ABCA2: variants seen among roughly 807,000 people sequenced by gnomAD.
The protein encoded by ABCA2 is ATP-binding cassette sub-family A member 2.
ABCA2 carries 84 observed loss-of-function variants against 262.8 expected under a neutral mutation model. The observed-to-expected ratio is 0.32, with a 90% CI of 0.27 to 0.38. The LOEUF (loss-of-function observed/expected upper bound fraction) is 0.38, where lower values mean the gene tolerates loss of function less well. Among genes scored for constraint, ABCA2 ranks in the 10% least tolerant of loss-of-function variants. The pLI, the probability that ABCA2 is intolerant of heterozygous loss-of-function variation, is 1.00. For missense variants in ABCA2, 2,662 were observed against 3,405.9 expected, an observed-to-expected ratio of 0.78 and a Z score of 5.44; for synonymous variants, 1,696 against 1,502.9, an observed-to-expected ratio of 1.13 and a Z score of -2.97.
In ABCA2 at chr9:137,010,041, C is replaced by A; in HGVS notation, c.6437G>T (p.Arg2146Leu). The stretch of plus-strand genomic sequence containing the variant: ...CCGCGTGTACAGCTGCAGGTGCTCC[C>A]GGGCCGTGAGCTCGTCGAACAGCGC... ...CDALFDELTA[R>L]EHLQLYTRLR... The change falls in exon 42 of 49, where the codon CGG becomes CTG. Residue 2146 changes from arginine (R) to leucine (L), a missense_variant. This residue lies in a region of ABCA2 where 602 missense variants were observed against 897.4 expected (regional missense o/e 0.67). Transcript: ENST00000341511. The A allele has an allele frequency of 1.9e-6, 3 of 1,600,922 alleles. No homozygotes were observed. The highest frequency in any genetic ancestry group is 2.6e-6 in the Non-Finnish European group (3 of 1,176,018).
chr9:137,015,141 G>A (rs370281899), intron 24 of ABCA2, 44 bp from the exon 25 acceptor site: 1 of 1,532,568 alleles, frequency 6.5e-7, no homozygotes, highest in African/African-American at 1.4e-5. Flanking sequence ...TCAGGGGCTG[G>A]GAGGAGGGAC....
At chr9:137,020,170 A>T (rs1831401366) in intron 10 of ABCA2, 166 bp downstream of exon 10, 2 of 893,254 alleles carry the variant, frequency 2.2e-6, no homozygotes, top group African/African-American at 3.4e-5. Flanking sequence ...CGAAAGGAAA[A>T]GCGACCCCCT....
At chr9:137,025,856 C>T (rs746082985) in intron 1 of ABCA2, among the ~76,000 whole-genome samples, 7 of 152,224 alleles carry the variant, frequency 4.6e-5, no homozygotes, top group Non-Finnish European at 1.0e-4. Context: ...GGCTGGCAGG[C>T]GGCGGGCGCC....
In ABCA2 at chr9:137,010,646, T is replaced by G; in HGVS notation, c.6148A>C (p.Met2050Leu). ...RVLRGDADND[M>L]VKIENLTKVY... ...TTGGTCAGGTTCTCAATCTTGACCA[T>G]GTCATTGTCGGCGTCTCCCCGGAGC... Residue 2050 changes from methionine (M) to leucine (L), a missense_variant, in exon 40 of 49, where the codon ATG becomes CTG. Physicochemically the swap from Met to Leu is conservative, Grantham distance 15 (BLOSUM62 2). Transcript: ENST00000341511. The G allele has an allele frequency of 7.0e-7, 1 of 1,438,580 alleles. No individual in the cohort carries two copies. Among genetic ancestry groups the G allele is most frequent in the Non-Finnish European group, 9.3e-7 (1 of 1,070,700 alleles). 89.1% of individuals were successfully genotyped at this position (1,438,580 alleles called of 1,614,324 possible).
chr9:137,014,927 C>CTT lies in ABCA2; in HGVS notation c.3867_3868insAA (p.Glu1290LysfsTer22). 6.4e-7 allele frequency: 1 copy of CTT among 1,567,344 alleles called. No homozygotes were observed. The highest frequency in any genetic ancestry group is 8.7e-7 in the Non-Finnish European group (1 of 1,153,462). On this transcript the variant is annotated frameshift_variant, in exon 25 of 49. Coordinates refer to ENST00000341511, the MANE Select transcript of ABCA2 (RefSeq NM_001606.5). LOFTEE classifies it high-confidence loss of function. The stretch of plus-strand genomic sequence containing the variant: ...CGCCCTCACACCTGGAAGAGGCGCT[C>CTT]GAAAGCCCCCTTCTTGGCGGCCTCG...
Position 137,008,154 on chromosome 9 carries a change from A to C in ABCA2, c.7276-190T>G, listed in dbSNP as rs1015589762. 2.2e-5 allele frequency: 18 copies of C among 832,130 alleles called. No homozygotes were observed. In the Admixed American group the frequency reaches 3.1e-4, roughly 14 times the overall value. 51.5% of individuals were successfully genotyped at this position (832,130 alleles called of 1,614,324 possible). On this transcript the variant is annotated intron_variant, in intron 48 of 48. Transcript: ENST00000341511. Reference sequence around the variant, plus strand: ...CGAGTCTGGGGGCCACTGAGTCTACATCGGTCCCCTGTTCCCCGGCTCTGG... The same window carrying C: ...CGAGTCTGGGGGCCACTGAGTCTACCTCGGTCCCCTGTTCCCCGGCTCTGG...
In ABCA2 at chr9:137,019,741, G is replaced by C. The variant is rs557952594; in HGVS notation, c.1426-435C>G. ...CGGGCTCTCCACTCCTTTCTGCGGCGCTCAGGTGAAACCTGCTTTGCCCTC... is the reference window on the plus strand; with the variant it reads ...CGGGCTCTCCACTCCTTTCTGCGGCCCTCAGGTGAAACCTGCTTTGCCCTC... On this transcript the variant is annotated intron_variant, in intron 10 of 48. Coordinates refer to ENST00000341511, the MANE Select transcript of ABCA2 (RefSeq NM_001606.5). This position sits in a 1 kb window ranked among gnomAD's most constrained non-coding sequence, Gnocchi z 4.4. 4.5e-5 allele frequency: 9 copies of C among 202,106 alleles called. No homozygotes were observed. Among genetic ancestry groups the C allele is most frequent in the Admixed American group, 3.8e-4 (7 of 18,532 alleles). The allele number at this position is 202,106 out of a possible 1,614,324, so 12.5% of individuals were successfully genotyped here. A position where few individuals can be genotyped will look rare whatever the true frequency, so the allele number is the denominator to read the frequency against.
At chr9:137,012,242 C>G in intron 33 of ABCA2, 23 bp downstream of exon 33, 1 of 1,595,384 alleles carries the variant, frequency 6.3e-7, no homozygotes, top group Non-Finnish European at 8.5e-7. Context: ...CCGCCCCGCC[C>G]CGCCCTGCCT....
chr9:137,020,163 A>AC (rs201067832), intron 10 of ABCA2, 173 bp downstream of exon 10: 26 of 832,208 alleles, frequency 3.1e-5, no homozygotes, highest in Non-Finnish European at 4.8e-5. Context: ...GAGCTCCCGA[A>AC]AGGAAAAGCG....
chr9:137,010,604 CATG>C lies in ABCA2; in HGVS notation c.6174+13_6174+15del. 6 of 720,144 alleles carry C rather than the reference CATG, an allele frequency of 8.3e-6. No homozygotes were observed. Among genetic ancestry groups the C allele is most frequent in the Non-Finnish European group, 1.3e-5 (5 of 398,124 alleles). The allele number at this position is 720,144 out of a possible 1,614,324, so 44.6% of individuals were successfully genotyped here. The stretch of plus-strand genomic sequence containing the variant: ...CCTACCCCACCCAGGCCCCACCCTA[CATG>C]CCCAGAGCCCACCTTGGTCAGGTTC... On this transcript the variant is annotated intron_variant, in intron 40 of 48. Coordinates refer to ENST00000341511, the MANE Select transcript of ABCA2 (RefSeq NM_001606.5).
In ABCA2 at chr9:137,019,588, A is replaced by C. The variant is rs888377964; in HGVS notation, c.1426-282T>G. 12 of 379,876 alleles carry C rather than the reference A, an allele frequency of 3.2e-5. No individual in the cohort carries two copies. Among genetic ancestry groups the C allele is most frequent in the African/African-American group, 2.1e-5 (1 of 46,900 alleles). 23.5% of individuals were successfully genotyped at this position (379,876 alleles called of 1,614,324 possible). ...CAGGTGCCCACCACCACGCCTGGCT[A>C]ATTTTGTATTTTTGGTAGAGACGGG... On this transcript the variant is annotated intron_variant, in intron 10 of 48. Transcript: ENST00000341511. This position sits in a 1 kb window ranked among gnomAD's most constrained non-coding sequence, Gnocchi z 4.4.
intron 19 of ABCA2, 42 bp from the exon 20 acceptor site, chr9:137,016,780 G>C: frequency 4.5e-6 from 7 of 1,542,490 alleles, no homozygotes; most frequent in Non-Finnish European, 6.1e-6. Flanking sequence ...CTAGGGCCTG[G>C]GGTGACCATC....
At position 137,022,883 on chromosome 9, in the gene ABCA2, T is replaced by C; in HGVS notation, c.276-18A>G. ...GCGTGACCCTGCACCATGGCGGATG[T>C]CACTCACTGGATGGGCTGGGGAGGG... On this transcript the variant is annotated intron_variant, in intron 4 of 48. Coordinates refer to ENST00000341511, the MANE Select transcript of ABCA2 (RefSeq NM_001606.5). 8.9e-7 allele frequency: 1 copy of C among 1,129,752 alleles called. No individual in the cohort carries two copies. The highest frequency in any genetic ancestry group is 1.7e-5 in the African/African-American group (1 of 58,158). 70.0% of individuals were successfully genotyped at this position (1,129,752 alleles called of 1,614,324 possible).
At position 137,007,422 on chromosome 9, in the gene ABCA2, A is replaced by C; in HGVS notation, c.*507T>G. ...TTCCTGCCACCTGCCAGCTGGCCCA[A>C]GCTGATGGCTTCCCGCAGGACAGCC... is the stretch of plus-strand genomic sequence containing the variant. On this transcript the variant is annotated 3_prime_UTR_variant, in exon 49 of 49. Coordinates refer to ENST00000341511, the MANE Select transcript of ABCA2 (RefSeq NM_001606.5). The C allele has an allele frequency of 6.3e-6, 1 of 157,944 alleles. No individual in the cohort carries two copies. The highest frequency in any genetic ancestry group is 1.4e-5 in the Non-Finnish European group (1 of 70,962). The allele number at this position is 157,944 out of a possible 1,614,324, so 9.8% of individuals were successfully genotyped here.
At position 137,021,743 on chromosome 9, in the gene ABCA2, C is replaced by A; in HGVS notation, c.679-133G>T. ...TGGGTCCCACGACATGCCTCTACCC[C>A]TCATGCCTGCCATAGACCCCTGGGA... On this transcript the variant is annotated intron_variant, in intron 7 of 48. Transcript: ENST00000341511. The surrounding 1 kb of genome is among the most constrained non-coding windows in gnomAD (Gnocchi z 6.0). 8.1e-7 allele frequency: 1 copy of A among 1,230,330 alleles called. No homozygotes were observed. 76.2% of individuals were successfully genotyped at this position (1,230,330 alleles called of 1,614,324 possible). A position where few individuals can be genotyped will look rare whatever the true frequency, so the allele number is the denominator to read the frequency against.
Position 137,015,243 on chromosome 9 carries a change from A to G in ABCA2, c.3698-146T>C. ...ATCCTGGGCCCAGGGGGTGACGCTGAGGACCCAGCCTCTCCAAGATACGGG... is the reference window on the plus strand; with the variant it reads ...ATCCTGGGCCCAGGGGGTGACGCTGGGGACCCAGCCTCTCCAAGATACGGG... On this transcript the variant is annotated intron_variant, in intron 24 of 48. Coordinates refer to ENST00000341511, the MANE Select transcript of ABCA2 (RefSeq NM_001606.5). 3 of 1,210,866 alleles carry G rather than the reference A, an allele frequency of 2.5e-6. No individual in the cohort carries two copies. In the South Asian group the frequency reaches 4.7e-5, roughly 19 times the overall value. 75.0% of individuals were successfully genotyped at this position (1,210,866 alleles called of 1,614,324 possible). A position where few individuals can be genotyped will look rare whatever the true frequency, so the allele number is the denominator to read the frequency against.
chr9:137,014,100 C>T (rs1831167014), intron 27 of ABCA2, 62 bp from the exon 28 acceptor site: 2 of 1,591,232 alleles, frequency 1.3e-6, no homozygotes, highest in African/African-American at 2.7e-5. Flanking sequence ...ACTGGCTGCC[C>T]TCATGCCGCT....
At chr9:137,008,700 G>A (rs1262853322) in intron 47 of ABCA2, 31 bp downstream of exon 47, 9 of 1,566,812 alleles carry the variant, frequency 5.7e-6, no homozygotes, top group African/African-American at 4.0e-5. Flanking sequence ...GGAGGGGCAG[G>A]TGTGGTGCGC....
intron 28 of ABCA2, 72 bp from the exon 29 acceptor site, chr9:137,013,635 TC>T: frequency 6.8e-7 from 1 of 1,472,736 alleles, no homozygotes. Flanking sequence ...TCGGTCCCCT[TC>T]CCCCAACCCC....
Sources: gnomAD v4.1 joint callset for allele counts (sites outside exome capture counted in the v4.1 genomes callset) on GRCh38, gnomAD v4.1.1 for gene constraint, gnomAD v4.1.1 regional missense constraint, Gnocchi (gnomAD v3.1) non-coding constraint, MANE v1.5 for transcripts, NCBI Gene and HGNC (gene_info 2026-07-23, HGNC 2026-07-21) for gene names.